The following TRIM24 variants were observed in gnomAD, a reference collection of about 807,000 sequenced individuals.
The protein encoded by TRIM24 is tripartite motif containing 24.
Under a neutral mutation model 123.9 loss-of-function variants are expected in TRIM24, and 29 were observed. That is an observed-to-expected ratio of 0.23 (90% CI 0.17 to 0.32). TRIM24 has a LOEUF of 0.32. Ranked by LOEUF, TRIM24 falls within the 10% of genes least tolerant of loss-of-function variation. The pLI is 1.00. For missense variants in TRIM24, 932 were observed against 1,295.3 expected (o/e 0.72, Z 4.31); for synonymous variants, 456 against 461.1 (o/e 0.99, Z 0.14).
intron 13 of TRIM24, among the ~76,000 whole-genome samples, chr7:138,576,721 C>T (rs10256619): frequency 0.021 from 3,165 of 152,074 alleles, 95 homozygotes; most frequent in African/African-American, 0.071. Flanking sequence ...AATGAATAGG[C>T]ATAACACAGT....
chr7:138,567,553 C>A lies in TRIM24; in HGVS notation c.1603C>A (p.Pro535Thr), dbSNP rs1046417972. 1 of 1,613,958 alleles carries A rather than the reference C, an allele frequency of 6.2e-7. No individual in the cohort carries two copies. The highest frequency in any genetic ancestry group is 8.5e-7 in the Non-Finnish European group (1 of 1,179,984). The change falls in exon 10 of 19, where the codon CCT becomes ACT. Residue 535 changes from proline to threonine, a missense_variant. Coordinates refer to ENST00000343526, the MANE Select transcript of TRIM24 (RefSeq NM_015905.3). The part of the protein sequence containing the change: ...KPNGPVLPPH[P>T]QQLRYPPNQN... ...CAATGGACCAGTTCTTCCTCCTCATCCTCAACAACTGAGATATCCACCAAA... is the reference window on the plus strand; with the variant it reads ...CAATGGACCAGTTCTTCCTCCTCATACTCAACAACTGAGATATCCACCAAA...
chr7:138,554,273 T>C lies in TRIM24; in HGVS notation c.1262-425T>C, dbSNP rs1797272276. On this transcript the variant is annotated intron_variant, in intron 8 of 18. Transcript: ENST00000343526. This position sits in a 1 kb window ranked among gnomAD's most constrained non-coding sequence, Gnocchi z 4.5. ...TGCCATACAGTGAGACTGAAATTTT[T>C]TTCATATATTTTAACTTAACAATAT... Among the ~76,000 whole-genome samples the C allele has an allele frequency of 6.6e-6, 1 of 152,190 alleles. No individual in the cohort carries two copies. The highest frequency in any genetic ancestry group is 2.4e-5 in the African/African-American group (1 of 41,444).
At chr7:138,508,692 T>TGCGCGCGCGC (rs60180839) in intron 2 of TRIM24, among the ~76,000 whole-genome samples, 81 of 137,250 alleles carry the variant, frequency 5.9e-4, no homozygotes, top group East Asian at 3.2e-3. Context: ...TGTGTGTGTG[T>TGCGCGCGCGC]GCGCGCGCGT....
intron 2 of TRIM24, among the ~76,000 whole-genome samples, chr7:138,512,239 G>T (rs1316559232): frequency 6.6e-6 from 1 of 152,128 alleles, no homozygotes; most frequent in African/African-American, 2.4e-5. Context: ...CTCATGGGTT[G>T]ACATTGAGTA....
chr7:138,497,393 CTTTTTTTT>C (rs869232002), intron 1 of TRIM24, among the ~76,000 whole-genome samples: 1,556 of 88,336 alleles, frequency 0.018, 34 homozygotes, highest in African/African-American at 0.066. Context: ...ATTACAATTT[CTTTTTTTT>C]TTTTTTTTTT....
At chr7:138,570,246 C>T (rs1449222853) in intron 10 of TRIM24, among the ~76,000 whole-genome samples, 1 of 152,124 alleles carries the variant, frequency 6.6e-6, no homozygotes, top group African/African-American at 2.4e-5. Context: ...CATGCCCAGC[C>T]CATCATGTTT....
At position 138,577,410 on chromosome 7, in the gene TRIM24, ATACT is replaced by A; in HGVS notation, c.2088-6_2088-3del. The A allele has an allele frequency of 1.3e-6, 2 of 1,536,950 alleles. No homozygotes were observed. Among genetic ancestry groups the A allele is most frequent in the South Asian group, 2.5e-5 (2 of 79,152 alleles). On this transcript the variant is annotated splice_polypyrimidine_tract_variant and splice_region_variant and intron_variant, in intron 13 of 18. Coordinates refer to ENST00000343526, the MANE Select transcript of TRIM24 (RefSeq NM_015905.3). ...CTTAGATTGCTTTTTCTTCTCTCTC[ATACT>A]TACAGCTCTGGCTCTTCCAGCAAAC...
chr7:138,576,922 T>C (rs1270102484), intron 13 of TRIM24, among the ~76,000 whole-genome samples: 1 of 152,214 alleles, frequency 6.6e-6, no homozygotes, highest in Non-Finnish European at 1.5e-5. Context: ...GTTCTTACTT[T>C]ATCATATGGA....
At chr7:138,537,372 C>G (rs1018806243) in intron 6 of TRIM24, among the ~76,000 whole-genome samples, 2 of 116,912 alleles carry the variant, frequency 1.7e-5, no homozygotes, top group African/African-American at 3.5e-5. Flanking sequence ...CTCCGCCACC[C>G]CTGTTTGTTT....
At position 138,529,120 on chromosome 7, in the gene TRIM24, A is replaced by G; in HGVS notation, c.886A>G (p.Ile296Val). 2 of 1,527,408 alleles carry G rather than the reference A, an allele frequency of 1.3e-6. No individual in the cohort carries two copies. The highest frequency in any genetic ancestry group is 1.8e-6 in the Non-Finnish European group (2 of 1,134,078). The allele number at this position is 1,527,408 out of a possible 1,614,324, so 94.6% of individuals were successfully genotyped here. The change falls in exon 6 of 19, where the codon ATT becomes GTT. Residue 296 changes from isoleucine to valine, a missense_variant. Ile to Val is a conservative substitution (Grantham distance 29, BLOSUM62 3). Coordinates refer to ENST00000343526, the MANE Select transcript of TRIM24 (RefSeq NM_015905.3). ...TTTCCCCGTTTTAATTTTCAGAATT[A>G]TTGAAGTAAATCAAAATCAAAAGCA... ...FTGNQIQNRI[I>V]EVNQNQKQVE... is the part of the protein sequence containing the mutation.
intron 1 of TRIM24, among the ~76,000 whole-genome samples, chr7:138,492,298 A>AGG (rs1554434156): frequency 6.7e-6 from 1 of 148,776 alleles, no homozygotes; most frequent in Non-Finnish European, 1.5e-5. Context: ...AAAAAAAAAA[A>AGG]GGGAAAGAAA....
intron 8 of TRIM24, among the ~76,000 whole-genome samples, chr7:138,552,908 T>C (rs942796034): frequency 6.6e-6 from 1 of 152,222 alleles, no homozygotes; most frequent in African/African-American, 2.4e-5. Context: ...CACATTCATC[T>C]GAACTCTGAA....
chr7:138,485,544 T>G (rs903505501), intron 1 of TRIM24, among the ~76,000 whole-genome samples: 3 of 152,126 alleles, frequency 2.0e-5, no homozygotes, highest in Non-Finnish European at 4.4e-5. Flanking sequence ...TGATGTTCTC[T>G]GCCCTGTGTC....
At chr7:138,465,695 TATTTA>T (rs1795120083) in intron 1 of TRIM24, among the ~76,000 whole-genome samples, 9 of 152,210 alleles carry the variant, frequency 5.9e-5, no homozygotes, top group Admixed American at 5.9e-4. Flanking sequence ...AAAGGATTAA[TATTTA>T]AGAATGATCT....
rs779986773 is a variant in TRIM24, at chr7:138,579,161, AT to A, written c.2257-35del. On this transcript the variant is annotated intron_variant, in intron 14 of 18. Transcript: ENST00000343526. ...AGTTCAGAATTGCATTAGTGATAAAATTTTTTTTAAAGCCAGTTAAATATAT... is the reference window on the plus strand; with the variant it reads ...AGTTCAGAATTGCATTAGTGATAAAATTTTTTTAAAGCCAGTTAAATATAT... 27 of 1,497,138 alleles carry A rather than the reference AT, an allele frequency of 1.8e-5. No individual in the cohort carries two copies. In the Admixed American group the frequency reaches 3.8e-4, roughly 21 times the overall value. The allele number at this position is 1,497,138 out of a possible 1,614,324, so 92.7% of individuals were successfully genotyped here. A position where few individuals can be genotyped will look rare whatever the true frequency, so the allele number is the denominator to read the frequency against.
intron 9 of TRIM24, among the ~76,000 whole-genome samples, chr7:138,563,037 C>G (rs915796380): frequency 2.0e-5 from 3 of 152,150 alleles, no homozygotes; most frequent in Admixed American, 2.0e-4. Flanking sequence ...CCCTGGTGAC[C>G]CCTACAATAG....
chr7:138,511,949 T>C (rs1253637432), intron 2 of TRIM24, among the ~76,000 whole-genome samples: 1 of 152,174 alleles, frequency 6.6e-6, no homozygotes, highest in Admixed American at 6.5e-5. Flanking sequence ...GTCAAAAACA[T>C]GTTACTTCCA....
intron 1 of TRIM24, among the ~76,000 whole-genome samples, chr7:138,499,862 T>C (rs1795997272): frequency 6.6e-6 from 1 of 152,148 alleles, no homozygotes; most frequent in Admixed American, 6.5e-5. Flanking sequence ...TTCTTGTAGA[T>C]AGTATTTACT....
rs2116427893 is a variant in TRIM24, at chr7:138,460,476, G to A, written c.-73G>A. 4 of 1,247,672 alleles carry A rather than the reference G, an allele frequency of 3.2e-6. No individual in the cohort carries two copies. The highest frequency in any genetic ancestry group is 3.0e-4 in the Middle Eastern group (1 of 3,280). The allele number at this position is 1,247,672 out of a possible 1,614,324, so 77.3% of individuals were successfully genotyped here. On this transcript the variant is annotated 5_prime_UTR_variant, in exon 1 of 19. Transcript: ENST00000343526. ...CGGCCTCTGAGGAGCAGCCGCAGGA[G>A]GAGGAGGAGGTCGTCGGGGGCGGCG...
Sources: allele counts gnomAD v4.1 joint callset (sites outside exome capture counted in the v4.1 genomes callset), GRCh38; gene constraint gnomAD v4.1.1; non-coding constraint Gnocchi (gnomAD v3.1); transcripts MANE v1.5; gene names NCBI Gene and HGNC (gene_info 2026-07-23, HGNC 2026-07-21).